Variants in AKAP6 observed in about 807,000 individuals in gnomAD.
The protein encoded by AKAP6 is A-kinase anchoring protein 6.
AKAP6 carries 58 observed loss-of-function variants against 188.5 expected under a neutral mutation model. The observed-to-expected ratio is 0.31, with a 90% CI of 0.25 to 0.38. The LOEUF (loss-of-function observed/expected upper bound fraction) is 0.38. Among genes scored for constraint, AKAP6 ranks in the 10% least tolerant of loss-of-function variants. AKAP6 has a pLI of 1.00. For missense variants in AKAP6, 2,710 were observed against 2,740.0 expected (o/e 0.99, Z 0.24); for synonymous variants, 989 against 998.6 (o/e 0.99, Z 0.18).
At chr14:32,335,813 ATT>A (rs59224838) in intron 1 of AKAP6, among the ~76,000 whole-genome samples, 2 of 54,520 alleles carry the variant, frequency 3.7e-5, no homozygotes, top group Non-Finnish European at 7.5e-5. Context: ...CTGTCTGGGT[ATT>A]TTTTTTTTTA....
At chr14:32,816,643 T>G (rs1392553567) in intron 12 of AKAP6, among the ~76,000 whole-genome samples, 3 of 152,154 alleles carry the variant, frequency 2.0e-5, no homozygotes, top group Non-Finnish European at 4.4e-5. Flanking sequence ...TTCCCCTAGT[T>G]TAAATTGGTT....
rs181944080 is a variant in AKAP6, at chr14:32,669,772, A to T, written c.2731-8539A>T. On this transcript the variant is annotated intron_variant, in intron 7 of 13. Transcript: ENST00000280979. ...GGAAAGTAAACACATCCTTCTTCAC[A>T]TGGCGGCAGCAAGAAGAAGTGCCGA... Among the ~76,000 whole-genome samples the T allele has an allele frequency of 2.6e-5, 4 of 152,234 alleles. No homozygotes were observed. The East Asian group carries it at 5.8e-4, about 22-fold the overall frequency.
At chr14:32,750,664 A>G (rs966572342) in intron 11 of AKAP6, among the ~76,000 whole-genome samples, 2 of 151,816 alleles carry the variant, frequency 1.3e-5, no homozygotes, top group African/African-American at 4.8e-5. Context: ...CCAGGGGTTC[A>G]AGGGTACAGT....
chr14:32,478,811 T>A (rs1482376072), intron 2 of AKAP6, among the ~76,000 whole-genome samples: 1 of 152,116 alleles, frequency 6.6e-6, no homozygotes, highest in African/African-American at 2.4e-5. Context: ...ATGGTTAGTG[T>A]GAGATAGGAA....
At chr14:32,690,482 A>G (rs1890133480) in intron 8 of AKAP6, among the ~76,000 whole-genome samples, 1 of 152,172 alleles carries the variant, frequency 6.6e-6, no homozygotes, top group African/African-American at 2.4e-5. Context: ...CAAGTAATAT[A>G]TTACCATCAA....
intron 7 of AKAP6, among the ~76,000 whole-genome samples, chr14:32,660,455 C>T (rs978936264): frequency 5.9e-5 from 9 of 152,066 alleles, no homozygotes; most frequent in Non-Finnish European, 1.0e-4. Flanking sequence ...TGTGGGCAAT[C>T]ACTCAAAAAG....
At chr14:32,453,618 A>G (rs1229903415) in intron 2 of AKAP6, among the ~76,000 whole-genome samples, 2 of 54,740 alleles carry the variant, frequency 3.7e-5, no homozygotes, top group African/African-American at 7.6e-5. Context: ...TTTTTTTGAG[A>G]CGGAGTCTCG....
At chr14:32,360,192 A>G (rs984688051) in intron 1 of AKAP6, among the ~76,000 whole-genome samples, 2 of 151,764 alleles carry the variant, frequency 1.3e-5, no homozygotes, top group Admixed American at 1.3e-4. Context: ...CAGTGGTGCA[A>G]TCTTGGCTCA....
intron 2 of AKAP6, among the ~76,000 whole-genome samples, chr14:32,504,656 G>A (rs1008329744): frequency 1.3e-5 from 2 of 152,098 alleles, no homozygotes; most frequent in African/African-American, 4.8e-5. Flanking sequence ...CAATTATTGA[G>A]TTTTCCCAAA....
At chr14:32,414,910 C>T (rs910631202) in intron 1 of AKAP6, among the ~76,000 whole-genome samples, 13 of 152,284 alleles carry the variant, frequency 8.5e-5, no homozygotes, top group Non-Finnish European at 1.5e-4. Context: ...GTTCCAATAA[C>T]TAAATTTGGA....
At chr14:32,681,189 TATAACCATCTCTTTTTCAG>T (rs1450138149) in intron 8 of AKAP6, among the ~76,000 whole-genome samples, 2 of 152,240 alleles carry the variant, frequency 1.3e-5, no homozygotes, top group African/African-American at 4.8e-5. Context: ...TTTTGTAAAG[TATAACCATCTCTTTTTCAG>T]ATACCTTTTC....
chr14:32,479,793 A>G (rs1397361905), intron 2 of AKAP6, among the ~76,000 whole-genome samples: 2 of 152,152 alleles, frequency 1.3e-5, no homozygotes, highest in African/African-American at 4.8e-5. Context: ...AGAAGACACT[A>G]TCTGTGAATC....
chr14:32,375,894 C>T (rs995581937), intron 1 of AKAP6: 2 of 152,094 alleles, frequency 1.3e-5, no homozygotes, highest in African/African-American at 4.8e-5. Context: ...CACAGTCATC[C>T]GTGATATGAC....
At chr14:32,644,018 C>T (rs570135083) in intron 7 of AKAP6, among the ~76,000 whole-genome samples, 2 of 152,272 alleles carry the variant, frequency 1.3e-5, no homozygotes, top group African/African-American at 4.8e-5. Flanking sequence ...TTGTGATGCT[C>T]ATGTGTGTAC....
intron 9 of AKAP6, among the ~76,000 whole-genome samples, chr14:32,699,126 A>G (rs1280519732): frequency 6.6e-6 from 1 of 152,148 alleles, no homozygotes; most frequent in Non-Finnish European, 1.5e-5. Flanking sequence ...AGTGAGAGTG[A>G]AGCTTATTTA....
chr14:32,548,254 A>G (rs888217736), intron 4 of AKAP6, among the ~76,000 whole-genome samples: 5 of 151,850 alleles, frequency 3.3e-5, no homozygotes, highest in Non-Finnish European at 7.4e-5. Flanking sequence ...GGCCCCCACA[A>G]CCATGCCCAG....
At chr14:32,573,947 G>A (rs1376526538) in intron 4 of AKAP6, among the ~76,000 whole-genome samples, 1 of 152,132 alleles carries the variant, frequency 6.6e-6, no homozygotes, top group Non-Finnish European at 1.5e-5. Flanking sequence ...ACTGTCCACT[G>A]TACACAGAAA....
chr14:32,472,047 T>C (rs140984777), intron 2 of AKAP6, among the ~76,000 whole-genome samples: 141 of 151,904 alleles, frequency 9.3e-4, no homozygotes, highest in African/African-American at 3.3e-3. Flanking sequence ...GGAATCGGAT[T>C]CTGAGGCTCT....
At chr14:32,605,802 G>A (rs1773922902) in intron 7 of AKAP6, among the ~76,000 whole-genome samples, 2 of 152,104 alleles carry the variant, frequency 1.3e-5, no homozygotes, top group African/African-American at 2.4e-5. Flanking sequence ...GACCTAAAGA[G>A]GAATTAAAAT....
Sources: gnomAD v4.1 joint callset for allele counts (sites outside exome capture counted in the v4.1 genomes callset) on GRCh38, gnomAD v4.1.1 for gene constraint, MANE v1.5 for transcripts, NCBI Gene and HGNC (gene_info 2026-07-23, HGNC 2026-07-21) for gene names.